Variants in SLC44A5 observed in about 807,000 individuals in gnomAD.
SLC44A5 encodes the protein choline transporter-like protein 5.
Under a neutral mutation model 101.8 loss-of-function variants are expected in SLC44A5, and 57 were observed. The ratio of observed to expected loss-of-function variants is 0.56; its 90% CI spans 0.45 to 0.70. The LOEUF is 0.70. Ranked by LOEUF, SLC44A5 falls within the 30% of genes least tolerant of loss-of-function variation. SLC44A5 has a pLI of 0.00. For synonymous variants in SLC44A5, 281 were observed against 290.9 expected, an observed-to-expected ratio of 0.97 and a Z score of 0.35; for missense variants, 737 against 853.1, an observed-to-expected ratio of 0.86 and a Z score of 1.70.
intron 2 of SLC44A5, among the ~76,000 whole-genome samples, chr1:75,407,245 G>A (rs1662936540): frequency 1.3e-5 from 2 of 152,068 alleles, no homozygotes; most frequent in South Asian, 4.1e-4. Flanking sequence ...CCATGCTCAT[G>A]GATAGGAAGA....
chr1:75,362,621 C>A (rs921247010), intron 3 of SLC44A5, among the ~76,000 whole-genome samples: 5 of 151,854 alleles, frequency 3.3e-5, no homozygotes, highest in Non-Finnish European at 5.9e-5. Flanking sequence ...GAAATTCATT[C>A]TTTTATGATT....
intron 2 of SLC44A5, among the ~76,000 whole-genome samples, chr1:75,412,761 C>A (rs1663363822): frequency 1.3e-5 from 2 of 152,234 alleles, no homozygotes; most frequent in East Asian, 3.9e-4. Context: ...CTCACGCTGC[C>A]CTGTTCCTTC....
intron 1 of SLC44A5, among the ~76,000 whole-genome samples, chr1:75,586,195 G>T (rs1673979698): frequency 1.3e-5 from 2 of 152,232 alleles, no homozygotes; most frequent in Middle Eastern, 3.4e-3. Context: ...AAGTAAGGGA[G>T]AATCTGCTTT....
intron 14 of SLC44A5, among the ~76,000 whole-genome samples, chr1:75,222,148 G>C (rs896795321): frequency 6.6e-6 from 1 of 151,966 alleles, no homozygotes; most frequent in African/African-American, 2.4e-5. Flanking sequence ...TAGAGACGGG[G>C]TTTCTCCATG....
chr1:75,254,912 A>AC (rs1649888668), intron 6 of SLC44A5, among the ~76,000 whole-genome samples: 1 of 152,084 alleles, frequency 6.6e-6, no homozygotes, highest in African/African-American at 2.4e-5. Context: ...TAAAATTGCA[A>AC]AAAAAAATCT....
intron 4 of SLC44A5, among the ~76,000 whole-genome samples, chr1:75,323,968 A>T (rs183969993): frequency 3.3e-5 from 5 of 152,312 alleles, no homozygotes; most frequent in African/African-American, 9.6e-5. Context: ...TTCTAACCCC[A>T]GCTTCCCTAC....
chr1:75,611,003 C>T, intron 1 of SLC44A5, 37 bp downstream of exon 1: 3 of 954,292 alleles, frequency 3.1e-6, no homozygotes, highest in South Asian at 4.8e-5. Context: ...AATTTTCCTA[C>T]AGACATAGAC....
At chr1:75,222,328 A>C in intron 14 of SLC44A5, 33 bp downstream of exon 14, 1 of 1,471,116 alleles carries the variant, frequency 6.8e-7, no homozygotes, top group Non-Finnish European at 9.5e-7. Context: ...TGACTGATAC[A>C]CTTTAGCTGA....
chr1:75,684,577 C>T, the SLC44A5 span, among the ~76,000 whole-genome samples: 8 of 152,076 alleles, frequency 5.3e-5, no homozygotes, highest in Non-Finnish European at 8.8e-5. Flanking sequence ...AGCTACAGGC[C>T]CCATGCAAGT....
intron 3 of SLC44A5, among the ~76,000 whole-genome samples, chr1:75,369,190 T>A (rs74886248): frequency 8.6e-5 from 13 of 151,948 alleles, no homozygotes; most frequent in East Asian, 1.9e-4. Flanking sequence ...TTTTTTTTTT[T>A]AATTTTTTGA....
At chr1:75,600,483 C>T (rs1292797980) in intron 1 of SLC44A5, among the ~76,000 whole-genome samples, 1 of 151,928 alleles carries the variant, frequency 6.6e-6, no homozygotes, top group Non-Finnish European at 1.5e-5. Flanking sequence ...GTTGTTTAAC[C>T]TCTGTGAATT....
chr1:75,666,197 T>C, the SLC44A5 span, among the ~76,000 whole-genome samples: 1 of 152,080 alleles, frequency 6.6e-6, no homozygotes, highest in Non-Finnish European at 1.5e-5. Context: ...ACTATCACAA[T>C]AGCAAAGACA....
At chr1:75,707,988 G>A in the SLC44A5 span, among the ~76,000 whole-genome samples, 1 of 151,970 alleles carries the variant, frequency 6.6e-6, no homozygotes, top group Non-Finnish European at 1.5e-5. Flanking sequence ...ACATGTAGTT[G>A]GCACATAGTA....
At chr1:75,570,952 C>T (rs573287765) in intron 1 of SLC44A5, among the ~76,000 whole-genome samples, 2 of 152,258 alleles carry the variant, frequency 1.3e-5, no homozygotes, top group African/African-American at 4.8e-5. Flanking sequence ...GGTCAAGAAA[C>T]ATCTCCCGTA....
intron 3 of SLC44A5, among the ~76,000 whole-genome samples, chr1:75,357,435 G>C (rs796590647): frequency 3.3e-5 from 5 of 152,266 alleles, no homozygotes; most frequent in African/African-American, 1.2e-4. Context: ...TGCTTTCTCT[G>C]TAAGGCCCTA....
chr1:75,221,835 A>G (rs1390203754), intron 14 of SLC44A5, among the ~76,000 whole-genome samples: 3 of 152,098 alleles, frequency 2.0e-5, no homozygotes, highest in Non-Finnish European at 4.4e-5. Flanking sequence ...ATTCTACCCA[A>G]TGATTATTGA....
chr1:75,609,570 G>A (rs949452707), intron 1 of SLC44A5, among the ~76,000 whole-genome samples: 9 of 151,784 alleles, frequency 5.9e-5, no homozygotes, highest in Non-Finnish European at 1.2e-4. Context: ...TTTTTGGTTC[G>A]GTAGTGCTTC....
intron 5 of SLC44A5, among the ~76,000 whole-genome samples, chr1:75,288,376 C>A (rs909638682): frequency 2.0e-5 from 3 of 152,084 alleles, no homozygotes; most frequent in Non-Finnish European, 4.4e-5. Flanking sequence ...ACATGAAAAA[C>A]TTTATGTTAA....
At chr1:75,435,711 A>T (rs1223785079) in intron 2 of SLC44A5, among the ~76,000 whole-genome samples, 1 of 152,144 alleles carries the variant, frequency 6.6e-6, no homozygotes. Context: ...CCAAGACTCA[A>T]ACTTAAGATT....
Sources: allele counts gnomAD v4.1 joint callset (sites outside exome capture counted in the v4.1 genomes callset), GRCh38; gene constraint gnomAD v4.1.1; transcripts MANE v1.5; gene names NCBI Gene and HGNC (gene_info 2026-07-23, HGNC 2026-07-21).